The following KALRN variants were observed in gnomAD, a reference collection of about 807,000 sequenced individuals.
KALRN encodes kalirin RhoGEF kinase, also known as kalirin.
Under a neutral mutation model 353.7 loss-of-function variants are expected in KALRN, and 70 were observed. That is an observed-to-expected ratio of 0.20 (90% CI 0.16 to 0.24). KALRN has a LOEUF of 0.24. Ranked by LOEUF, KALRN falls within the 10% of genes least tolerant of loss-of-function variation. The pLI is 1.00. For synonymous variants in KALRN, 1,391 were observed against 1,434.8 expected (o/e 0.97, Z 0.69); for missense variants, 2,791 against 3,756.7 (o/e 0.74, Z 6.72).
chr3:124,083,056 C>T (rs1159805360), intron 1 of KALRN, among the ~76,000 whole-genome samples: 4 of 152,246 alleles, frequency 2.6e-5, no homozygotes, highest in Admixed American at 2.6e-4. Flanking sequence ...GGGAGAAACT[C>T]TGTGAGCTCT....
intron 1 of KALRN, among the ~76,000 whole-genome samples, chr3:124,193,150 A>G (rs1247524181): frequency 6.6e-6 from 1 of 152,166 alleles, no homozygotes; most frequent in Non-Finnish European, 1.5e-5. Context: ...GCAGGGTGCC[A>G]ACCCCTGTAG....
At chr3:124,073,532 T>C (rs1577793158) in intron 1 of KALRN, among the ~76,000 whole-genome samples, 1 of 152,152 alleles carries the variant, frequency 6.6e-6, no homozygotes, top group Non-Finnish European at 1.5e-5. Flanking sequence ...CACCCCCACT[T>C]TTTTTAAGTA....
chr3:124,658,496 T>G lies in KALRN; in HGVS notation c.6102T>G (p.Ala2034=), dbSNP rs747538348. ...AGCCGCGCTCAGAGTACATCGTTGC[T>G]GAGTATGACGCCTACTTTGAGGTAA... is the stretch of plus-strand genomic sequence containing the variant. ...QNKPRSEYIV[A]EYDAYFEEVK... is the part of the protein sequence containing the mutation. Residue 2034 remains alanine (A), a synonymous_variant, in exon 42 of 60, where the codon GCT becomes GCG. Transcript: ENST00000682506. 1 of 1,613,984 alleles carries G rather than the reference T, an allele frequency of 6.2e-7. No individual in the cohort carries two copies. The highest frequency in any genetic ancestry group is 8.5e-7 in the Non-Finnish European group (1 of 1,179,930).
intron 21 of KALRN, among the ~76,000 whole-genome samples, chr3:124,450,192 C>T (rs374409633): frequency 6.6e-6 from 1 of 152,214 alleles, no homozygotes; most frequent in Non-Finnish European, 1.5e-5. Context: ...AGTTTCTCCA[C>T]ATCCTCACCA....
intron 29 of KALRN, among the ~76,000 whole-genome samples, chr3:124,490,367 A>G (rs910039454): frequency 6.6e-6 from 1 of 152,250 alleles, no homozygotes; most frequent in Non-Finnish European, 1.5e-5. Context: ...TGGAGGACAA[A>G]GGAGCTATGG....
intron 19 of KALRN, among the ~76,000 whole-genome samples, 191 bp downstream of exon 19, chr3:124,442,250 G>A (rs1406940322): frequency 2.0e-5 from 3 of 152,136 alleles, no homozygotes; most frequent in Non-Finnish European, 4.4e-5. Context: ...AGATCTGGAA[G>A]GCAAAAACAA....
At position 124,713,140 on chromosome 3, in the gene KALRN, G is replaced by GTACAGA; in HGVS notation, c.8276+6_8276+11dup. The stretch of plus-strand genomic sequence containing the variant: ...CTACATCCTGATCTTGGAACTGTAA[G>GTACAGA]TACAGACGCCATCTCTCTAAAGTCG... On this transcript the variant is annotated splice_donor_region_variant and intron_variant, in intron 58 of 59. Transcript: ENST00000682506. 1.2e-6 allele frequency: 2 copies of GTACAGA among 1,607,900 alleles called. No individual in the cohort carries two copies. Among genetic ancestry groups the GTACAGA allele is most frequent in the Non-Finnish European group, 1.7e-6 (2 of 1,177,300 alleles).
chr3:124,699,521 C>G (rs935825980), intron 55 of KALRN, among the ~76,000 whole-genome samples: 1 of 152,188 alleles, frequency 6.6e-6, no homozygotes, highest in Non-Finnish European at 1.5e-5. Context: ...CATATTTTCT[C>G]TCATGTTATT....
chr3:124,345,857 A>G (rs766715988), intron 9 of KALRN, among the ~76,000 whole-genome samples: 4 of 152,192 alleles, frequency 2.6e-5, no homozygotes, highest in Non-Finnish European at 4.4e-5. Context: ...CCCAAATGTC[A>G]GAGAACTCCC....
Position 124,666,544 on chromosome 3 carries a change from C to T in KALRN, c.6441C>T (p.Arg2147=), listed in dbSNP as rs768846133. ...AGMQSRTKER[R]VFLFEQIVIF... Reference sequence around the variant, plus strand: ...TGCAGTCCCGGACCAAAGAGAGGCGCGTGTTCCTCTTCGAGCAGATTGTCA... The same window carrying T: ...TGCAGTCCCGGACCAAAGAGAGGCGTGTGTTCCTCTTCGAGCAGATTGTCA... Residue 2147 remains arginine (R), a synonymous_variant, in exon 46 of 60, where the codon CGC becomes CGT. Transcript: ENST00000682506. The T allele has an allele frequency of 3.1e-6, 5 of 1,613,952 alleles. No homozygotes were observed. The South Asian group carries it at 5.5e-5, about 18-fold the overall frequency.
At position 124,679,439 on chromosome 3, in the gene KALRN, C is replaced by T; in HGVS notation, c.7318-19C>T. The T allele has an allele frequency of 6.2e-7, 1 of 1,610,530 alleles. No individual in the cohort carries two copies. Among genetic ancestry groups the T allele is most frequent in the Non-Finnish European group, 8.5e-7 (1 of 1,176,974 alleles). The stretch of plus-strand genomic sequence containing the variant: ...AACTGTGTTCTCTTTCTTCCCCCTT[C>T]CTCATGCTGCCAATCAAGGAGACGA... On this transcript the variant is annotated intron_variant, in intron 50 of 59. Coordinates refer to ENST00000682506, the MANE Select transcript of KALRN (RefSeq NM_001388419.1).
chr3:124,219,489 G>GCCAAGTC (rs1277354109), intron 1 of KALRN, among the ~76,000 whole-genome samples: 1 of 152,244 alleles, frequency 6.6e-6, no homozygotes, highest in African/African-American at 2.4e-5. Context: ...CTAGTTATCA[G>GCCAAGTC]CCAAGTCCCT....
intron 10 of KALRN, chr3:124,384,447 G>T (rs1202463289): frequency 6.3e-6 from 1 of 158,832 alleles, no homozygotes; most frequent in Non-Finnish European, 1.4e-5. Context: ...TTTTTCTGGT[G>T]TTCTCACATG....
intron 7 of KALRN, 81 bp from the exon 8 acceptor site, chr3:124,329,780 G>T: frequency 6.7e-7 from 1 of 1,491,938 alleles, no homozygotes; most frequent in South Asian, 1.3e-5. Flanking sequence ...TCTTCCCAAG[G>T]TATCTGACCC....
At chr3:124,340,504 CAG>C (rs1429761039) in intron 9 of KALRN, among the ~76,000 whole-genome samples, 1 of 152,012 alleles carries the variant, frequency 6.6e-6, no homozygotes, top group African/African-American at 2.4e-5. Flanking sequence ...GCCTGGGTGA[CAG>C]AGTGAGACTC....
chr3:124,341,810 A>G (rs991984141), intron 9 of KALRN, among the ~76,000 whole-genome samples: 3 of 152,126 alleles, frequency 2.0e-5, no homozygotes, highest in Admixed American at 6.5e-5. Flanking sequence ...AGAAACACCC[A>G]CTCCAGCCTG....
intron 14 of KALRN, 70 bp from the exon 15 acceptor site, chr3:124,422,742 G>A: frequency 4.0e-6 from 5 of 1,256,512 alleles, no homozygotes; most frequent in Non-Finnish European, 5.6e-6. Context: ...GTTTTCTTAT[G>A]CATATTGAAG....
chr3:124,309,947 T>A (rs1596649), intron 6 of KALRN, among the ~76,000 whole-genome samples: 1 of 152,004 alleles, frequency 6.6e-6, no homozygotes, highest in Non-Finnish European at 1.5e-5. Context: ...GAAAAAGAAA[T>A]AAGAGTCATC....
chr3:124,444,604 C>T (rs931810125), intron 19 of KALRN, among the ~76,000 whole-genome samples: 18 of 151,598 alleles, frequency 1.2e-4, no homozygotes, highest in Non-Finnish European at 1.9e-4. Context: ...TTGAGACCAG[C>T]CTGGGCAACA....
Sources: allele counts gnomAD v4.1 joint callset (sites outside exome capture counted in the v4.1 genomes callset), GRCh38; gene constraint gnomAD v4.1.1; transcripts MANE v1.5; gene names NCBI Gene and HGNC (gene_info 2026-07-23, HGNC 2026-07-21).